Variants in LSAMP observed in about 807,000 individuals in gnomAD.
LSAMP encodes limbic system associated membrane protein, also known as limbic system-associated membrane protein.
LSAMP carries 7 observed loss-of-function variants against 38.6 expected under a neutral mutation model. The observed-to-expected ratio is 0.18, with a 90% confidence interval of 0.10 to 0.34. LSAMP has a LOEUF of 0.34. Among genes scored for constraint, LSAMP ranks in the 10% least tolerant of loss-of-function variants. The pLI, the probability that LSAMP is intolerant of heterozygous loss-of-function variation, is 1.00. For synonymous variants in LSAMP, 154 were observed against 166.8 expected, an observed-to-expected ratio of 0.92 and a Z score of 0.59; for missense variants, 313 against 420.0, an observed-to-expected ratio of 0.75 and a Z score of 2.23.
At chr3:116,294,630 AAAGT>A (rs1307678900) in intron 1 of LSAMP, among the ~76,000 whole-genome samples, 1 of 152,226 alleles carries the variant, frequency 6.6e-6, no homozygotes, top group African/African-American at 2.4e-5. Context: ...CAAAATATTA[AAAGT>A]AACACACAAC....
intron 1 of LSAMP, among the ~76,000 whole-genome samples, chr3:116,136,907 C>G (rs1357269853): frequency 2.0e-5 from 3 of 152,126 alleles, no homozygotes; most frequent in African/African-American, 7.2e-5. Flanking sequence ...TAGGGACTGC[C>G]ATAAAAAATA....
At chr3:116,343,395 G>A (rs1486678996) in intron 1 of LSAMP, among the ~76,000 whole-genome samples, 3 of 152,108 alleles carry the variant, frequency 2.0e-5, no homozygotes, top group Non-Finnish European at 2.9e-5. Flanking sequence ...GATTGGTGGG[G>A]AATGTGGAAG....
chr3:116,397,975 C>T (rs1459066915), intron 1 of LSAMP, among the ~76,000 whole-genome samples: 1 of 151,772 alleles, frequency 6.6e-6, no homozygotes, highest in East Asian at 1.9e-4. Context: ...AGATTTTTCT[C>T]ATGCTGTCTT....
chr3:116,239,339 G>C (rs73140979), intron 1 of LSAMP, among the ~76,000 whole-genome samples: 4 of 151,944 alleles, frequency 2.6e-5, no homozygotes, highest in Non-Finnish European at 4.4e-5. Flanking sequence ...CCTGACTCAC[G>C]AGGCTTTGGA....
At chr3:116,087,344 T>C (rs1240593455) in intron 1 of LSAMP, among the ~76,000 whole-genome samples, 1 of 152,148 alleles carries the variant, frequency 6.6e-6, no homozygotes, top group Non-Finnish European at 1.5e-5. Flanking sequence ...TTTAAAAAAC[T>C]TAAAAGGGTC....
chr3:116,033,206 A>C (rs1940967685), intron 2 of LSAMP, among the ~76,000 whole-genome samples: 2 of 152,102 alleles, frequency 1.3e-5, no homozygotes, highest in South Asian at 4.1e-4. Flanking sequence ...GCCAACATGA[A>C]ATGGTCTTTC....
chr3:116,151,652 A>G (rs888626197), intron 1 of LSAMP, among the ~76,000 whole-genome samples: 1 of 152,034 alleles, frequency 6.6e-6, no homozygotes, highest in Admixed American at 6.6e-5. Context: ...TGACATTGCT[A>G]TTGAACCTTG....
intron 2 of LSAMP, among the ~76,000 whole-genome samples, chr3:116,052,747 G>C (rs1941419323): frequency 6.6e-6 from 1 of 152,164 alleles, no homozygotes; most frequent in Admixed American, 6.5e-5. Flanking sequence ...CATCCATTCT[G>C]GTAGCAAACA....
chr3:116,278,752 C>T (rs1018127036), intron 1 of LSAMP, among the ~76,000 whole-genome samples: 2 of 152,134 alleles, frequency 1.3e-5, no homozygotes, highest in Non-Finnish European at 2.9e-5. Flanking sequence ...TAGCACATTG[C>T]TGTTGCTCAG....
At chr3:116,249,668 G>C (rs377259111) in intron 1 of LSAMP, among the ~76,000 whole-genome samples, 2 of 152,102 alleles carry the variant, frequency 1.3e-5, no homozygotes, top group African/African-American at 4.8e-5. Flanking sequence ...ACAGGTGTGA[G>C]CCACCACACC....
At chr3:115,899,149 A>C (rs1936806817) in intron 3 of LSAMP, among the ~76,000 whole-genome samples, 1 of 152,174 alleles carries the variant, frequency 6.6e-6, no homozygotes, top group Non-Finnish European at 1.5e-5. Flanking sequence ...AAACAGAAGC[A>C]GATGTATTCA....
At chr3:116,269,908 C>A (rs2046947532) in intron 1 of LSAMP, among the ~76,000 whole-genome samples, 1 of 152,092 alleles carries the variant, frequency 6.6e-6, no homozygotes, top group Non-Finnish European at 1.5e-5. Context: ...TGAATTTGTA[C>A]CTAAACAACT....
intron 1 of LSAMP, among the ~76,000 whole-genome samples, chr3:116,138,324 C>T (rs984650742): frequency 2.6e-5 from 4 of 152,054 alleles, no homozygotes; most frequent in African/African-American, 9.7e-5. Flanking sequence ...TAATTCAATC[C>T]TCAACTGTTT....
chr3:116,237,053 T>C (rs1343153861), intron 1 of LSAMP, among the ~76,000 whole-genome samples: 1 of 151,940 alleles, frequency 6.6e-6, no homozygotes, highest in Non-Finnish European at 1.5e-5. Context: ...TAAGGTAAAA[T>C]TGAAGACACT....
chr3:116,068,499 G>T (rs1707515672), intron 2 of LSAMP, among the ~76,000 whole-genome samples: 1 of 152,144 alleles, frequency 6.6e-6, no homozygotes, highest in South Asian at 2.1e-4. Flanking sequence ...AGAGAAAACT[G>T]ATGTATTTTC....
chr3:116,191,425 A>G (rs1035291816), intron 1 of LSAMP, among the ~76,000 whole-genome samples: 3 of 152,124 alleles, frequency 2.0e-5, no homozygotes, highest in Admixed American at 2.0e-4. Flanking sequence ...AAGCCCGTGA[A>G]TGCCAGATAC....
In LSAMP at chr3:115,804,282, T is replaced by G. The variant is rs759605127; in HGVS notation, c.*6035A>C. 1 of 152,222 alleles carries G rather than the reference T, an allele frequency of 6.6e-6. No homozygotes were observed. Among genetic ancestry groups the G allele is most frequent in the Non-Finnish European group, 1.5e-5 (1 of 68,034 alleles). The allele number at this position is 152,222 out of a possible 1,614,324, so 9.4% of individuals were successfully genotyped here. On this transcript the variant is annotated 3_prime_UTR_variant, in exon 7 of 7. Transcript: ENST00000490035. Reference sequence around the variant, plus strand: ...TGCTGGGCACAGCACTAAGTGAATATTAAATTCTTATTCAGAATAAAGGTT... The same window carrying G: ...TGCTGGGCACAGCACTAAGTGAATAGTAAATTCTTATTCAGAATAAAGGTT...
At chr3:116,138,430 TATAA>T (rs1246760292) in intron 1 of LSAMP, among the ~76,000 whole-genome samples, 24 of 152,236 alleles carry the variant, frequency 1.6e-4, no homozygotes, top group African/African-American at 5.3e-4. Flanking sequence ...ATACAATTTT[TATAA>T]ATAAATAAAA....
At chr3:116,100,775 C>G (rs1021398315) in intron 1 of LSAMP, among the ~76,000 whole-genome samples, 8 of 152,190 alleles carry the variant, frequency 5.3e-5, no homozygotes, top group Non-Finnish European at 7.3e-5. Context: ...CTTAACCTAG[C>G]TTTCCAACCC....
Sources: gnomAD v4.1 joint callset for allele counts (sites outside exome capture counted in the v4.1 genomes callset) on GRCh38, gnomAD v4.1.1 for gene constraint, MANE v1.5 for transcripts, NCBI Gene and HGNC (gene_info 2026-07-23, HGNC 2026-07-21) for gene names.